The following LTBP1 variants were observed in gnomAD, a reference collection of about 807,000 sequenced individuals.
LTBP1 encodes latent transforming growth factor beta binding protein 1.
LTBP1 carries 129 observed loss-of-function variants against 207.6 expected under a neutral mutation model. The ratio of observed to expected loss-of-function variants is 0.62; its 90% CI spans 0.54 to 0.72. The LOEUF (loss-of-function observed/expected upper bound fraction) is 0.72, where lower values mean the gene tolerates loss of function less well. Among genes scored for constraint, LTBP1 ranks in the 30% least tolerant of loss-of-function variants. LTBP1 has a pLI of 0.00. For synonymous variants in LTBP1, 963 were observed against 833.7 expected (o/e 1.16, Z -2.67); for missense variants, 2,281 against 2,217.2 (o/e 1.03, Z -0.58).
chr2:33,073,937 G>T (rs1241053565), intron 3 of LTBP1, among the ~76,000 whole-genome samples: 1 of 152,086 alleles, frequency 6.6e-6, no homozygotes, highest in Non-Finnish European at 1.5e-5. Context: ...CATTTTTGCT[G>T]AGTTCAGTAT....
intron 23 of LTBP1, 27 bp downstream of exon 23, chr2:33,309,583 C>A: frequency 6.3e-7 from 1 of 1,597,856 alleles, no homozygotes; most frequent in South Asian, 1.1e-5. Flanking sequence ...TTTCCCCAGT[C>A]ATTATTTACG....
intron 2 of LTBP1, among the ~76,000 whole-genome samples, chr2:32,985,063 C>T (rs570226333): frequency 6.6e-6 from 1 of 152,218 alleles, no homozygotes; most frequent in African/African-American, 2.4e-5. Flanking sequence ...TATCATTAGA[C>T]TTATATTTTG....
At chr2:33,279,250 CTCTTA>C (rs1270202005) in intron 18 of LTBP1, among the ~76,000 whole-genome samples, 2 of 152,304 alleles carry the variant, frequency 1.3e-5, no homozygotes, top group Non-Finnish European at 1.5e-5. Context: ...GTTGAACTCT[CTCTTA>C]TATCTTTTTC....
intron 18 of LTBP1, among the ~76,000 whole-genome samples, chr2:33,277,446 G>T (rs994979229): frequency 3.3e-5 from 5 of 152,154 alleles, no homozygotes; most frequent in African/African-American, 1.2e-4. Flanking sequence ...TGTAGCCACT[G>T]ACTTTGCCCC....
rs2087288385 is a variant in LTBP1 at position 33,187,091 on chromosome 2, T to C, written c.1426+11T>C. ...AGCAAGGAGTCAAAGGTAAGCTTTT[T>C]TCATTCCGCCCATTTGCCAGACCTC... On this transcript the variant is annotated intron_variant, in intron 6 of 33. Coordinates refer to ENST00000404816, the MANE Select transcript of LTBP1 (RefSeq NM_206943.4). 2.5e-6 allele frequency: 4 copies of C among 1,611,614 alleles called. No homozygotes were observed. The East Asian group carries it at 6.7e-5, about 27-fold the overall frequency.
chr2:33,054,055 A>C (rs1405234658), intron 3 of LTBP1, among the ~76,000 whole-genome samples: 1 of 152,176 alleles, frequency 6.6e-6, no homozygotes, highest in Non-Finnish European at 1.5e-5. Flanking sequence ...TGGGAGTCAG[A>C]GTGCAGGACA....
intron 9 of LTBP1, among the ~76,000 whole-genome samples, chr2:33,232,692 A>C (rs936855227): frequency 6.6e-6 from 1 of 152,132 alleles, no homozygotes. Flanking sequence ...TACATCTCAA[A>C]TTATTTATTT....
At chr2:33,121,430 G>A (rs918283060) in intron 4 of LTBP1, among the ~76,000 whole-genome samples, 1 of 152,110 alleles carries the variant, frequency 6.6e-6, no homozygotes, top group South Asian at 2.1e-4. Flanking sequence ...GGCGGTGGTC[G>A]TTCCTGTGTT....
rs763950415 is a variant in LTBP1 at position 33,021,135 on chromosome 2, C to A, written c.792C>A (p.Ser264Arg). ...AGGCAGACACTCTACCAAGAGTCAG[C>A]CCTGTGGCCCAGATGACCTTAACCC... ...SKKADTLPRV[S>R]PVAQMTLTLK... The change falls in exon 3 of 34, where the codon AGC becomes AGA. Residue 264 changes from serine (S) to arginine (R), a missense_variant. Transcript: ENST00000404816. 2 of 1,613,628 alleles carry A rather than the reference C, an allele frequency of 1.2e-6. No individual in the cohort carries two copies. The highest frequency in any genetic ancestry group is 2.7e-5 in the African/African-American group (2 of 74,908).
chr2:32,988,624 G>T (rs149816750), intron 2 of LTBP1, among the ~76,000 whole-genome samples: 136 of 152,336 alleles, frequency 8.9e-4, no homozygotes, highest in Non-Finnish European at 1.6e-3. Context: ...CATGGAAATT[G>T]TTGGTTGAAT....
At chr2:33,081,238 G>T (rs219093) in intron 3 of LTBP1, among the ~76,000 whole-genome samples, 114,504 of 151,972 alleles carry the variant, frequency 0.75, 45,367 homozygotes, top group East Asian at 0.98. Flanking sequence ...TTTTAGGACC[G>T]GCTTCAGGGG....
intron 7 of LTBP1, 37 bp downstream of exon 7, chr2:33,188,888 T>C (rs1246046194): frequency 6.3e-7 from 1 of 1,592,652 alleles, no homozygotes; most frequent in Non-Finnish European, 8.6e-7. Flanking sequence ...AGCAGTGTCT[T>C]ACAGATATGG....
At position 33,144,827 on chromosome 2, in the gene LTBP1, A is replaced by G. The variant is rs146083755; in HGVS notation, c.1201+9867A>G. On this transcript the variant is annotated intron_variant, in intron 5 of 33. Transcript: ENST00000404816. ...TATCAAGAGGTGTGTATATGGGTGTATGTAAATATGTATTTCCAGGTGGAG... is the reference window on the plus strand; with the variant it reads ...TATCAAGAGGTGTGTATATGGGTGTGTGTAAATATGTATTTCCAGGTGGAG... Among the ~76,000 whole-genome samples the G allele has an allele frequency of 1.4e-3, 219 of 152,290 alleles. 1 individual carries two copies. Among genetic ancestry groups the G allele is most frequent in the African/African-American group, 5.1e-3 (210 of 41,572 alleles).
At chr2:33,125,835 A>T (rs2081402934) in intron 4 of LTBP1, among the ~76,000 whole-genome samples, 1 of 151,996 alleles carries the variant, frequency 6.6e-6, no homozygotes, top group Admixed American at 6.6e-5. Context: ...GTCTCAAAAA[A>T]AAAAAAAAAA....
At chr2:33,262,648 G>A (rs1034057021) in intron 13 of LTBP1, 74 bp from the exon 14 acceptor site, 3 of 606,326 alleles carry the variant, frequency 4.9e-6, no homozygotes, top group Admixed American at 3.1e-5. Flanking sequence ...ATAGTAATAT[G>A]TGGGAAACTA....
At chr2:33,326,064 A>G (rs543627824) in intron 24 of LTBP1, among the ~76,000 whole-genome samples, 4 of 142,932 alleles carry the variant, frequency 2.8e-5, no homozygotes, top group African/African-American at 1.0e-4. Flanking sequence ...TAGTGTTTAT[A>G]GTTTTTGCTT....
At chr2:33,300,387 A>T in intron 20 of LTBP1, 64 bp from the exon 21 acceptor site, 1 of 1,522,282 alleles carries the variant, frequency 6.6e-7, no homozygotes, top group Non-Finnish European at 9.1e-7. Context: ...AATGCATTGC[A>T]GGGAGCACTG....
At chr2:33,154,485 G>T (rs1194987497) in intron 5 of LTBP1, among the ~76,000 whole-genome samples, 1 of 152,116 alleles carries the variant, frequency 6.6e-6, no homozygotes, top group African/African-American at 2.4e-5. Flanking sequence ...ATTGTACCAT[G>T]CGTTGTTCAG....
intron 22 of LTBP1, among the ~76,000 whole-genome samples, chr2:33,306,450 A>G (rs984574227): frequency 1.2e-4 from 18 of 152,084 alleles, no homozygotes; most frequent in Admixed American, 2.0e-4. Context: ...GGCGCCTGTA[A>G]TCCCAGCTAC....
Sources: allele counts gnomAD v4.1 joint callset (sites outside exome capture counted in the v4.1 genomes callset), GRCh38; gene constraint gnomAD v4.1.1; transcripts MANE v1.5; gene names NCBI Gene and HGNC (gene_info 2026-07-23, HGNC 2026-07-21).